CRISPLD1: variants seen among roughly 807,000 people sequenced by gnomAD.
CRISPLD1 encodes cysteine rich secretory protein LCCL domain containing 1, also known as cysteine-rich secretory protein LCCL domain-containing 1.
In CRISPLD1, 60 loss-of-function variants were observed where a neutral mutation model predicts 77.5. The ratio of observed to expected loss-of-function variants is 0.77; its 90% CI spans 0.63 to 0.96. The LOEUF (loss-of-function observed/expected upper bound fraction) is 0.96. Among genes scored for constraint, CRISPLD1 ranks in the 40% least tolerant of loss-of-function variants. The pLI is 0.00. For synonymous variants in CRISPLD1, 195 were observed against 200.1 expected (o/e 0.97, Z 0.22); for missense variants, 623 against 615.8 (o/e 1.01, Z -0.12).
chr8:75,028,787 G>T (rs1813280115), intron 13 of CRISPLD1, among the ~76,000 whole-genome samples: 1 of 152,102 alleles, frequency 6.6e-6, no homozygotes, highest in South Asian at 2.1e-4. Flanking sequence ...CTAGGTAGAA[G>T]CTATGATGAT....
chr8:75,007,650 C>T (rs958834960), intron 2 of CRISPLD1, among the ~76,000 whole-genome samples: 1 of 140,304 alleles, frequency 7.1e-6, no homozygotes, highest in Non-Finnish European at 1.5e-5. Context: ...GGATTACAGA[C>T]GTGAACCATC....
chr8:75,014,708 C>T (rs1047549563), intron 5 of CRISPLD1, 104 bp from the exon 6 acceptor site: 37 of 713,246 alleles, frequency 5.2e-5, no homozygotes, highest in East Asian at 4.2e-4. Flanking sequence ...TAAATCTATA[C>T]GCCAAAATAA....
chr8:75,009,248 A>G (rs944612380), intron 2 of CRISPLD1, among the ~76,000 whole-genome samples: 1 of 151,242 alleles, frequency 6.6e-6, no homozygotes, highest in Non-Finnish European at 1.5e-5. Context: ...TTCTCTCCAT[A>G]TTTTCTTTCC....
chr8:75,012,336 G>T, intron 2 of CRISPLD1, 97 bp from the exon 3 acceptor site: 1 of 748,454 alleles, frequency 1.3e-6, no homozygotes, highest in South Asian at 1.7e-5. Flanking sequence ...ACTTTGTAAA[G>T]AAAGAAAGAA....
intron 2 of CRISPLD1, among the ~76,000 whole-genome samples, chr8:75,003,323 C>T (rs563179342): frequency 3.9e-5 from 6 of 152,118 alleles, no homozygotes; most frequent in Non-Finnish European, 7.4e-5. Context: ...CATAAACTTT[C>T]TTCTTTTGTC....
chr8:75,018,913 A>T (rs906904133), intron 10 of CRISPLD1, among the ~76,000 whole-genome samples: 1 of 152,194 alleles, frequency 6.6e-6, no homozygotes, highest in African/African-American at 2.4e-5. Flanking sequence ...AGAAATATTC[A>T]TTAATTAACC....
chr8:75,017,194 A>G, intron 9 of CRISPLD1, 81 bp downstream of exon 9: 1 of 1,501,848 alleles, frequency 6.7e-7, no homozygotes, highest in Non-Finnish European at 9.2e-7. Context: ...ATAACACCTT[A>G]CATAAGTATA....
chr8:75,016,461 C>G (rs1813028225), intron 6 of CRISPLD1, 104 bp from the exon 7 acceptor site: 1 of 1,151,926 alleles, frequency 8.7e-7, no homozygotes, highest in Non-Finnish European at 1.2e-6. Context: ...ACTGATTTTT[C>G]TAGTTCTAAA....
chr8:75,002,498 A>T (rs76773507), intron 2 of CRISPLD1, among the ~76,000 whole-genome samples: 4,978 of 151,214 alleles, frequency 0.033, 106 homozygotes, highest in East Asian at 0.1. Context: ...GTAAAAAAAA[A>T]AATAATAATA....
intron 12 of CRISPLD1, among the ~76,000 whole-genome samples, chr8:75,020,334 T>C (rs1388294106): frequency 3.9e-5 from 6 of 152,228 alleles, no homozygotes; most frequent in Non-Finnish European, 8.8e-5. Context: ...AAGAGTGCCT[T>C]ATTAGTCTGC....
intron 12 of CRISPLD1, 31 bp downstream of exon 12, chr8:75,020,110 C>A: frequency 3.8e-6 from 6 of 1,570,206 alleles, no homozygotes; most frequent in Non-Finnish European, 5.3e-6. Context: ...GGGGCTTTGG[C>A]CCTGTGATAA....
At chr8:75,000,163 G>A in intron 2 of CRISPLD1, 4 of 985,108 alleles carry the variant, frequency 4.1e-6, no homozygotes, top group Non-Finnish European at 4.8e-6. Flanking sequence ...CAGAACGCTG[G>A]ACAATCCAGT....
At chr8:75,007,313 GT>G (rs1352297876) in intron 2 of CRISPLD1, among the ~76,000 whole-genome samples, 9 of 152,084 alleles carry the variant, frequency 5.9e-5, no homozygotes, top group Admixed American at 5.9e-4. Context: ...ACTAATTACT[GT>G]TTTTGCATAA....
intron 7 of CRISPLD1, 82 bp from the exon 8 acceptor site, chr8:75,016,799 A>C: frequency 6.5e-7 from 1 of 1,542,746 alleles, no homozygotes; most frequent in Non-Finnish European, 8.8e-7. Flanking sequence ...AGAATGGAAA[A>C]AATTTTGTCA....
At chr8:75,013,732 A>G (rs1812977022) in intron 4 of CRISPLD1, among the ~76,000 whole-genome samples, 1 of 152,154 alleles carries the variant, frequency 6.6e-6, no homozygotes, top group Non-Finnish European at 1.5e-5. Context: ...CTTTTGAATT[A>G]TTTACTAAAT....
Position 75,019,892 on chromosome 8 carries a change from T to C in CRISPLD1, c.1150T>C (p.Phe384Leu). The C allele has an allele frequency of 6.2e-7, 1 of 1,613,368 alleles. No individual in the cohort carries two copies. The highest frequency in any genetic ancestry group is 8.5e-7 in the Non-Finnish European group (1 of 1,179,390). Reference sequence around the variant, plus strand: ...CAGCAAATATCAGTCTGCTAATTCCTTCACAGTCTCTAAAGTAACAGGTTA... The same window carrying C: ...CAGCAAATATCAGTCTGCTAATTCCCTCACAGTCTCTAAAGTAACAGGTTA... The part of the protein sequence containing the change: ...TIGKYQSANS[F>L]TVSKVTVQAV... The change falls in exon 11 of 15, where the codon TTC becomes CTC. Residue 384 changes from phenylalanine (F) to leucine (L), a missense_variant. By Grantham distance (22) the Phe-to-Leu change is conservative. Coordinates refer to ENST00000262207, the MANE Select transcript of CRISPLD1 (RefSeq NM_031461.6).
intron 2 of CRISPLD1, among the ~76,000 whole-genome samples, chr8:75,009,672 C>T (rs534224429): frequency 6.6e-6 from 1 of 151,928 alleles, no homozygotes; most frequent in South Asian, 2.1e-4. Flanking sequence ...GGATTGCAGA[C>T]AATGATTTGT....
At position 75,028,143 on chromosome 8, in the gene CRISPLD1, A is replaced by G. The variant is rs138010505; in HGVS notation, c.1321-1244A>G. ...TTTAATTCCATCTGTTAAGAACCAT[A>G]TTGGAGGCAAATATAATTCAATGGG... On this transcript the variant is annotated intron_variant, in intron 13 of 14. Coordinates refer to ENST00000262207, the MANE Select transcript of CRISPLD1 (RefSeq NM_031461.6). Among the ~76,000 whole-genome samples, 37 of 152,306 alleles carry G rather than the reference A, an allele frequency of 2.4e-4. 1 individual carries two copies. In the East Asian group the frequency reaches 6.8e-3, roughly 28 times the overall value.
rs1812770517 is a variant in CRISPLD1 at position 75,002,941 on chromosome 8, A to G, written c.259-9492A>G. On this transcript the variant is annotated intron_variant, in intron 2 of 14. Coordinates refer to ENST00000262207, the MANE Select transcript of CRISPLD1 (RefSeq NM_031461.6). ...TCTTTAAAAAATCATCCTTTTAGTC[A>G]TTGTTTTAATATTGAGGAAAATAAT... 2.0e-5 allele frequency among the ~76,000 whole-genome samples: 3 copies of G among 152,196 alleles called. No individual in the cohort carries two copies. The South Asian group carries it at 6.2e-4, about 31-fold the overall frequency.
Sources: gnomAD v4.1 joint callset for allele counts (sites outside exome capture counted in the v4.1 genomes callset) on GRCh38, gnomAD v4.1.1 for gene constraint, MANE v1.5 for transcripts, NCBI Gene and HGNC (gene_info 2026-07-23, HGNC 2026-07-21) for gene names.